CTNND2: variants seen among roughly 807,000 people sequenced by gnomAD.
CTNND2 encodes the protein catenin delta-2.
Under a neutral mutation model 144.4 loss-of-function variants are expected in CTNND2, and 22 were observed. The ratio of observed to expected loss-of-function variants is 0.15; its 90% CI spans 0.11 to 0.22. The LOEUF is 0.22. CTNND2 is among the 10% of genes least tolerant of loss of function. The probability of loss-of-function intolerance (pLI) is 1.00; values close to 1 mark genes in which losing one functional copy is unlikely to be tolerated. For synonymous variants in CTNND2, 751 were observed against 695.6 expected (o/e 1.08, Z -1.25); for missense variants, 1,353 against 1,618.8 (o/e 0.84, Z 2.82).
Position 11,345,997 on chromosome 5 carries a change from G to A in CTNND2, c.1628+375C>T, listed in dbSNP as rs559018322. 2.2e-3 allele frequency among the ~76,000 whole-genome samples: 328 copies of A among 152,140 alleles called. 1 individual carries two copies. Among genetic ancestry groups the A allele is most frequent in the African/African-American group, 7.1e-3 (296 of 41,512 alleles). On this transcript the variant is annotated intron_variant, in intron 9 of 21. Transcript: ENST00000304623. ...TTTGCAATCTGATAAATAGAAATAC[G>A]CATGATGACAAAGCATACTTCCACT...
At chr5:11,160,876 A>T (rs1758704516) in intron 11 of CTNND2, among the ~76,000 whole-genome samples, 1 of 152,240 alleles carries the variant, frequency 6.6e-6, no homozygotes, top group Non-Finnish European at 1.5e-5. Context: ...CACATGTTGA[A>T]CTATCCAAGG....
intron 3 of CTNND2, among the ~76,000 whole-genome samples, chr5:11,484,097 C>G (rs1352467811): frequency 6.6e-6 from 1 of 152,208 alleles, no homozygotes; most frequent in African/African-American, 2.4e-5. Context: ...CGTAGCCCAA[C>G]TAATGGCCAC....
At chr5:11,355,022 A>C (rs1755713853) in intron 8 of CTNND2, among the ~76,000 whole-genome samples, 1 of 152,194 alleles carries the variant, frequency 6.6e-6, no homozygotes, top group African/African-American at 2.4e-5. Flanking sequence ...ATTAAACGGC[A>C]AATTAAAAAT....
chr5:11,879,147 C>A (rs572215834), intron 1 of CTNND2, among the ~76,000 whole-genome samples: 2 of 151,660 alleles, frequency 1.3e-5, no homozygotes, highest in East Asian at 3.9e-4. Flanking sequence ...CCCAAGTACT[C>A]GGGACAGATG....
intron 2 of CTNND2, among the ~76,000 whole-genome samples, chr5:11,573,059 C>A (rs1777696989): frequency 6.6e-6 from 1 of 152,160 alleles, no homozygotes; most frequent in South Asian, 2.1e-4. Flanking sequence ...CTGGGTTAGA[C>A]TGCTTGTTAC....
chr5:11,580,121 A>AT (rs58848834), intron 2 of CTNND2, among the ~76,000 whole-genome samples: 37 of 148,106 alleles, frequency 2.5e-4, no homozygotes, highest in African/African-American at 4.2e-4. Context: ...AACTTAGGCC[A>AT]TTTTTTTTTT....
intron 9 of CTNND2, among the ~76,000 whole-genome samples, chr5:11,313,630 T>A (rs1377170501): frequency 6.6e-6 from 1 of 152,162 alleles, no homozygotes; most frequent in Non-Finnish European, 1.5e-5. Context: ...ACACTGCACT[T>A]CCTCCGTGGA....
intron 11 of CTNND2, among the ~76,000 whole-genome samples, chr5:11,181,230 C>T (rs1240285063): frequency 6.6e-6 from 1 of 152,084 alleles, no homozygotes; most frequent in Non-Finnish European, 1.5e-5. Flanking sequence ...GGGAAAGAGG[C>T]TAAGGTGGGA....
chr5:11,844,877 T>C (rs189685432), intron 1 of CTNND2, among the ~76,000 whole-genome samples: 191 of 152,234 alleles, frequency 1.3e-3, no homozygotes, highest in Non-Finnish European at 2.1e-3. Flanking sequence ...TTGGAAGTCC[T>C]GAGGTTGGCT....
intron 16 of CTNND2, among the ~76,000 whole-genome samples, chr5:11,077,025 C>CT (rs572118633): frequency 5.3e-5 from 8 of 152,074 alleles, no homozygotes; most frequent in Non-Finnish European, 1.2e-4. Flanking sequence ...GAAAACCCCC[C>CT]TTTTTTAAGT....
chr5:11,228,395 C>T (rs945275823), intron 10 of CTNND2, among the ~76,000 whole-genome samples: 1 of 143,630 alleles, frequency 7.0e-6, no homozygotes, highest in East Asian at 2.2e-4. Context: ...AATGTGAATG[C>T]TCATTTTACT....
At chr5:11,697,492 TAA>T (rs1206030374) in intron 2 of CTNND2, among the ~76,000 whole-genome samples, 1 of 152,222 alleles carries the variant, frequency 6.6e-6, no homozygotes, top group African/African-American at 2.4e-5. Flanking sequence ...TTGTATTTTA[TAA>T]GTCAGTAACA....
At chr5:11,700,226 C>A (rs1785363149) in intron 2 of CTNND2, among the ~76,000 whole-genome samples, 3 of 152,116 alleles carry the variant, frequency 2.0e-5, no homozygotes, top group East Asian at 1.9e-4. Flanking sequence ...CCCAGCTCTA[C>A]TAAAAATACA....
At chr5:11,287,314 C>A (rs1455236209) in intron 9 of CTNND2, among the ~76,000 whole-genome samples, 3 of 152,162 alleles carry the variant, frequency 2.0e-5, no homozygotes, top group Non-Finnish European at 4.4e-5. Context: ...AAAGACTGCC[C>A]ACCTTAGAAG....
chr5:11,724,239 T>C (rs1442409221), intron 2 of CTNND2, among the ~76,000 whole-genome samples: 2 of 152,064 alleles, frequency 1.3e-5, no homozygotes, highest in Non-Finnish European at 2.9e-5. Flanking sequence ...ATCTTGGGTC[T>C]CCATAAAGAC....
At chr5:11,815,590 A>C (rs1792582798) in intron 1 of CTNND2, among the ~76,000 whole-genome samples, 1 of 152,186 alleles carries the variant, frequency 6.6e-6, no homozygotes, top group Admixed American at 6.5e-5. Flanking sequence ...TTAAGTAGTA[A>C]CTACTACACA....
At chr5:11,576,918 G>A (rs1778016780) in intron 2 of CTNND2, among the ~76,000 whole-genome samples, 3 of 152,044 alleles carry the variant, frequency 2.0e-5, no homozygotes. Flanking sequence ...TTTGACCACT[G>A]GAAATCAAAA....
chr5:11,469,333 G>T (rs1766948725), intron 3 of CTNND2, among the ~76,000 whole-genome samples: 1 of 152,160 alleles, frequency 6.6e-6, no homozygotes, highest in Admixed American at 6.5e-5. Flanking sequence ...AGAGTTTCTG[G>T]TGTGCAGGAA....
chr5:11,129,494 C>G (rs1360917639), intron 12 of CTNND2, among the ~76,000 whole-genome samples: 1 of 149,626 alleles, frequency 6.7e-6, no homozygotes, highest in East Asian at 2.0e-4. Context: ...GGATGACGCA[C>G]TTTCTGAGGC....
Sources: gnomAD v4.1 joint callset for allele counts (sites outside exome capture counted in the v4.1 genomes callset) on GRCh38, gnomAD v4.1.1 for gene constraint, MANE v1.5 for transcripts, NCBI Gene and HGNC (gene_info 2026-07-23, HGNC 2026-07-21) for gene names.